The following DRP2 variants were observed in gnomAD, a reference collection of about 807,000 sequenced individuals.
DRP2 encodes the protein dystrophin related protein 2, also known as dystrophin-related protein 2.
DRP2 carries 29 observed loss-of-function variants against 78.2 expected under a neutral mutation model. That is an observed-to-expected ratio of 0.37 (90% CI 0.28 to 0.51). The LOEUF is 0.51. DRP2 is among the 20% of genes least tolerant of loss of function. The pLI is 0.94. For missense variants in DRP2, 686 were observed against 770.6 expected (o/e 0.89, Z 1.30); for synonymous variants, 290 against 281.9 (o/e 1.03, Z -0.29).
At chrX:101,227,876 G>T (rs1922172719) in intron 2 of DRP2, among the ~76,000 whole-genome samples, 1 of 111,421 alleles carries the variant, frequency 9.0e-6, no homozygotes, top group Non-Finnish European at 1.9e-5. Context: ...GTCAGTAGAG[G>T]AATAAGAAAG....
rs757859305 is a variant in DRP2 at position 101,249,024 on chromosome X, C to T, written c.1540+425C>T. ...ACAATAATACCCAATATCTGGGAGGCGGACACTATGTTCTTCTGTAGTTTT... is the reference window on the plus strand; with the variant it reads ...ACAATAATACCCAATATCTGGGAGGTGGACACTATGTTCTTCTGTAGTTTT... On this transcript the variant is annotated intron_variant, in intron 14 of 23. Transcript: ENST00000395209. 6.4e-4 allele frequency among the ~76,000 whole-genome samples: 72 copies of T among 112,038 alleles called. 1 individual carries two copies. Among genetic ancestry groups the T allele is most frequent in the South Asian group, 2.6e-3 (7 of 2,664 alleles).
intron 6 of DRP2, among the ~76,000 whole-genome samples, chrX:101,239,600 C>T (rs112816146): frequency 1.8e-3 from 198 of 109,875 alleles, no homozygotes; most frequent in African/African-American, 5.0e-3. Flanking sequence ...TTGTGGGGGA[C>T]GGAGTCTCGC....
chrX:101,242,781 A>G, intron 8 of DRP2, 123 bp from the exon 9 acceptor site: 1 of 685,588 alleles, frequency 1.5e-6, no homozygotes, highest in Non-Finnish European at 2.2e-6. Context: ...TGACGGTGGG[A>G]GAGGCTGGAA....
At position 101,261,724 on chromosome X, in the gene DRP2, C is replaced by T. The variant is rs1036349782; in HGVS notation, c.*1103C>T. The T allele has an allele frequency of 9.8e-5, 11 of 112,577 alleles. No individual in the cohort carries two copies. The highest frequency in any genetic ancestry group is 2.3e-4 in the African/African-American group (7 of 30,981). 9.3% of individuals were successfully genotyped at this position (112,577 alleles called of 1,213,427 possible). ...ACAAATCAGGAAGCTGGCCACTTTC[C>T]ACCCAGACAACAACAGCAAGGCCTT... On this transcript the variant is annotated 3_prime_UTR_variant, in exon 24 of 24. Coordinates refer to ENST00000395209, the MANE Select transcript of DRP2 (RefSeq NM_001939.3).
At chrX:101,245,212 C>T in intron 10 of DRP2, 135 bp downstream of exon 10, 1 of 808,242 alleles carries the variant, frequency 1.2e-6, no homozygotes, top group African/African-American at 2.0e-5. Context: ...CTACTCATCT[C>T]AAGATCTCAA....
At position 101,224,202 on chromosome X, in the gene DRP2, T is replaced by TG. The variant is rs1406489167; in HGVS notation, c.-166-402_-166-401insG. 2.5e-3 allele frequency among the ~76,000 whole-genome samples: 172 copies of TG among 69,077 alleles called. 1 individual carries two copies. The highest frequency in any genetic ancestry group is 3.9e-3 in the Non-Finnish European group (148 of 37,600). 60.0% of individuals were successfully genotyped at this position (69,077 alleles called of 115,157 possible). On this transcript the variant is annotated intron_variant, in intron 1 of 23. Coordinates refer to ENST00000395209, the MANE Select transcript of DRP2 (RefSeq NM_001939.3). ...GCTGGGTTTTTTTTGTTTTTTTTTTTTTTTTTTTTTTTTTTTTTTGAGATG... is the reference window on the plus strand; with the variant it reads ...GCTGGGTTTTTTTTGTTTTTTTTTTTGTTTTTTTTTTTTTTTTTTTGAGATG...
chrX:101,234,965 G>T (rs1350262713), intron 3 of DRP2, among the ~76,000 whole-genome samples: 1 of 110,627 alleles, frequency 9.0e-6, no homozygotes, highest in Non-Finnish European at 1.9e-5. Context: ...CCTAGTCTGG[G>T]GTAGAGCAGC....
At chrX:101,229,813 T>G (rs1922242180) in intron 2 of DRP2, among the ~76,000 whole-genome samples, 1 of 112,230 alleles carries the variant, frequency 8.9e-6, no homozygotes, top group South Asian at 3.7e-4. Context: ...TCATCACATT[T>G]GTTTACATTC....
In DRP2 at chrX:101,239,082, G is replaced by A. The variant is rs889277704; in HGVS notation, c.540G>A (p.Glu180=). 1.7e-6 allele frequency: 2 copies of A among 1,208,102 alleles called. No individual in the cohort carries two copies. The highest frequency in any genetic ancestry group is 1.8e-5 in the African/African-American group (1 of 56,905). ...AGCACCCATTTGAGGAGTTAGAGGAGCCTCATTCTGAGAGCAAAGGTAGGT... is the reference window on the plus strand; with the variant it reads ...AGCACCCATTTGAGGAGTTAGAGGAACCTCATTCTGAGAGCAAAGGTAGGT... ...LSQHPFEELE[E]PHSESKDTSP... Residue 180 remains glutamate (E), a synonymous_variant, in exon 6 of 24, where the codon GAG becomes GAA. Coordinates refer to ENST00000395209, the MANE Select transcript of DRP2 (RefSeq NM_001939.3).
At chrX:101,232,445 C>T (rs1481388221) in intron 3 of DRP2, among the ~76,000 whole-genome samples, 1 of 111,128 alleles carries the variant, frequency 9.0e-6, no homozygotes, top group East Asian at 2.8e-4. Flanking sequence ...CTTTGGGGTC[C>T]AGAGACTATG....
chrX:101,242,567 G>T (rs1456915121), intron 8 of DRP2, 96 bp downstream of exon 8: 4 of 1,037,355 alleles, frequency 3.9e-6, no homozygotes, highest in Admixed American at 5.8e-5. Flanking sequence ...GGATCTGCAT[G>T]GGAAAAGAGG....
At chrX:101,248,014 CT>C in intron 12 of DRP2, 74 bp from the exon 13 acceptor site, 4 of 981,785 alleles carry the variant, frequency 4.1e-6, no homozygotes, top group Middle Eastern at 6.4e-4. Flanking sequence ...ATGCTGGTGG[CT>C]TTATCTCCTT....
chrX:101,243,021 A>T lies in DRP2; in HGVS notation c.1054+39A>T, dbSNP rs2147342033. 3 of 1,157,797 alleles carry T rather than the reference A, an allele frequency of 2.6e-6. No individual in the cohort carries two copies. In the East Asian group the frequency reaches 8.9e-5, roughly 34 times the overall value. Reference sequence around the variant, plus strand: ...ACTGGACTCCACTTAGCAGAACCTCAGCCATCTTCCTGGAGAGTCTATTGT... The same window carrying T: ...ACTGGACTCCACTTAGCAGAACCTCTGCCATCTTCCTGGAGAGTCTATTGT... On this transcript the variant is annotated intron_variant, in intron 9 of 23. Coordinates refer to ENST00000395209, the MANE Select transcript of DRP2 (RefSeq NM_001939.3).
intron 6 of DRP2, 43 bp downstream of exon 6, chrX:101,239,144 A>G (rs1416355912): frequency 8.5e-7 from 1 of 1,179,541 alleles, no homozygotes; most frequent in Admixed American, 2.3e-5. Flanking sequence ...TGAGCCATGT[A>G]CTGCTGAATG....
rs955228029 is a variant in DRP2 at position 101,261,296 on chromosome X, G to A, written c.*675G>A. 8 of 110,713 alleles carry A rather than the reference G, an allele frequency of 7.2e-5. No individual in the cohort carries two copies. Among genetic ancestry groups the A allele is most frequent in the African/African-American group, 2.0e-4 (6 of 30,557 alleles). The allele number at this position is 110,713 out of a possible 1,213,427, so 9.1% of individuals were successfully genotyped here. The stretch of plus-strand genomic sequence containing the variant: ...GAACAGTTCATTCTGGTTCTTCTAC[G>A]TTATATTTGGAAGCATTAAATCCAT... On this transcript the variant is annotated 3_prime_UTR_variant, in exon 24 of 24. Coordinates refer to ENST00000395209, the MANE Select transcript of DRP2 (RefSeq NM_001939.3).
intron 9 of DRP2, among the ~76,000 whole-genome samples, chrX:101,244,393 T>C (rs1602924842): frequency 8.9e-6 from 1 of 112,038 alleles, no homozygotes; most frequent in Admixed American, 9.4e-5. Flanking sequence ...TTGTTGCTAT[T>C]ATAATCATTG....
At chrX:101,258,691 C>T (rs1268286079) in intron 22 of DRP2, 145 bp downstream of exon 22, 9 of 463,738 alleles carry the variant, frequency 1.9e-5, no homozygotes, top group South Asian at 8.2e-5. Context: ...ACTGGGCCTG[C>T]GGTTGGTGGG....
At chrX:101,225,375 G>A (rs1922082363) in intron 2 of DRP2, among the ~76,000 whole-genome samples, 1 of 111,283 alleles carries the variant, frequency 9.0e-6, no homozygotes, top group Admixed American at 9.6e-5. Flanking sequence ...AGGCAGAATA[G>A]CATAATGATA....
intron 9 of DRP2, among the ~76,000 whole-genome samples, chrX:101,243,806 A>G (rs769897393): frequency 8.9e-6 from 1 of 111,945 alleles, no homozygotes; most frequent in African/African-American, 3.2e-5. Context: ...GGAGTGCTGG[A>G]CTTAAGCATG....
Sources: gnomAD v4.1 joint callset for allele counts (sites outside exome capture counted in the v4.1 genomes callset) on GRCh38, gnomAD v4.1.1 for gene constraint, MANE v1.5 for transcripts, NCBI Gene and HGNC (gene_info 2026-07-23, HGNC 2026-07-21) for gene names.